WWOX: variants seen among roughly 807,000 people sequenced by gnomAD.
WWOX encodes WW domain containing oxidoreductase.
WWOX carries 69 observed loss-of-function variants against 46.2 expected under a neutral mutation model. The observed-to-expected ratio is 1.49, with a 90% confidence interval of 1.23 to 1.82. The LOEUF is 1.82. Among genes scored for constraint, WWOX ranks in the 40% most tolerant of loss-of-function variants. WWOX has a pLI of 0.00. For synonymous variants in WWOX, 359 were observed against 202.6 expected, an observed-to-expected ratio of 1.77 and a Z score of -6.56; for missense variants, 919 against 542.6, an observed-to-expected ratio of 1.69 and a Z score of -6.89.
chr16:78,601,963 C>T (rs1243795424), intron 8 of WWOX, among the ~76,000 whole-genome samples: 4 of 152,124 alleles, frequency 2.6e-5, no homozygotes, highest in African/African-American at 7.2e-5. Context: ...GGTAATAGTG[C>T]AGTGTCTGTC....
intron 8 of WWOX, among the ~76,000 whole-genome samples, chr16:78,435,545 T>G (rs1436513307): frequency 6.6e-6 from 1 of 152,118 alleles, no homozygotes; most frequent in Non-Finnish European, 1.5e-5. Context: ...ATGAGAGGGT[T>G]TGGAGAAAAG....
chr16:78,802,929 AAAAAAAAAAAAAAC>A lies in WWOX; in HGVS notation c.1056+370180_1056+370193del, dbSNP rs1212284274. On this transcript the variant is annotated intron_variant, in intron 8 of 8. Transcript: ENST00000566780. ...AGACTTCATCTGAAAAAAAAAAAAA[AAAAAAAAAAAAAAC>A]AACAAACAGAAAAATGAACGAGTGA... Among the ~76,000 whole-genome samples the A allele has an allele frequency of 2.7e-5, 3 of 111,446 alleles. 1 individual carries two copies. Among genetic ancestry groups the A allele is most frequent in the African/African-American group, 1.1e-4 (3 of 28,124 alleles). The allele number at this position is 111,446 out of a possible 152,430, so 73.1% of individuals were successfully genotyped here.
At chr16:78,576,823 C>G (rs892509700) in intron 8 of WWOX, among the ~76,000 whole-genome samples, 3 of 152,200 alleles carry the variant, frequency 2.0e-5, no homozygotes, top group Non-Finnish European at 4.4e-5. Context: ...ACAACAAGAC[C>G]CTGTCCCTTA....
chr16:78,295,577 G>C (rs1251801514), intron 5 of WWOX, among the ~76,000 whole-genome samples: 1 of 152,158 alleles, frequency 6.6e-6, no homozygotes, highest in African/African-American at 2.4e-5. Context: ...CGGACATGAT[G>C]GCAAGTGCCT....
At chr16:78,931,088 A>G (rs2045614735) in intron 8 of WWOX, among the ~76,000 whole-genome samples, 1 of 152,214 alleles carries the variant, frequency 6.6e-6, no homozygotes, top group South Asian at 2.1e-4. Context: ...GCATATGGTA[A>G]ATAAGAATTT....
chr16:78,634,855 T>A (rs1451454751), intron 8 of WWOX, among the ~76,000 whole-genome samples: 45 of 151,002 alleles, frequency 3.0e-4, no homozygotes, highest in East Asian at 9.8e-4. Context: ...TGTGTGTGTG[T>A]GTGTGTGTGT....
At chr16:78,710,879 A>C (rs1256020186) in intron 8 of WWOX, among the ~76,000 whole-genome samples, 1 of 152,048 alleles carries the variant, frequency 6.6e-6, no homozygotes, top group African/African-American at 2.4e-5. Context: ...GGCCTCCCAA[A>C]GTGCTGGGAT....
At position 78,675,962 on chromosome 16, in the gene WWOX, C is replaced by T. The variant is rs148484115; in HGVS notation, c.1056+243210C>T. 3.6e-3 allele frequency among the ~76,000 whole-genome samples: 546 copies of T among 152,076 alleles called. 3 individuals are homozygous for T. Among genetic ancestry groups the T allele is most frequent in the African/African-American group, 0.013 (526 of 41,488 alleles). ...AAATCCTTCTCTGTCCCACCACAAA[C>T]CATTTAAATCAATCCAAGATTTTAG... is the stretch of plus-strand genomic sequence containing the variant. On this transcript the variant is annotated intron_variant, in intron 8 of 8. Coordinates refer to ENST00000566780, the MANE Select transcript of WWOX (RefSeq NM_016373.4).
chr16:79,034,360 A>G (rs940971567), intron 8 of WWOX, among the ~76,000 whole-genome samples: 12 of 152,230 alleles, frequency 7.9e-5, no homozygotes, highest in Non-Finnish European at 1.5e-5. Context: ...ATAGGATTAC[A>G]TAAATAATGA....
chr16:78,453,512 G>T (rs1042653622), intron 8 of WWOX, among the ~76,000 whole-genome samples: 5 of 152,134 alleles, frequency 3.3e-5, no homozygotes, highest in Admixed American at 1.3e-4. Flanking sequence ...ATGGACGCTT[G>T]TAGACAGTAA....
At chr16:78,355,917 C>A in intron 5 of WWOX, 2 of 332,388 alleles carry the variant, frequency 6.0e-6, no homozygotes, top group Non-Finnish European at 1.2e-5. Flanking sequence ...AAAGAGAAAC[C>A]CGCATACATT....
chr16:78,680,417 C>T (rs1265320374), intron 8 of WWOX, among the ~76,000 whole-genome samples: 5 of 152,142 alleles, frequency 3.3e-5, no homozygotes, highest in African/African-American at 4.8e-5. Context: ...GCCTGTAGTC[C>T]TAGCTACTCG....
At chr16:78,413,980 A>G (rs1350616418) in intron 6 of WWOX, among the ~76,000 whole-genome samples, 1 of 151,812 alleles carries the variant, frequency 6.6e-6, no homozygotes, top group East Asian at 2.0e-4. Flanking sequence ...CTGAAGAACT[A>G]CAAAAGAAGT....
intron 8 of WWOX, among the ~76,000 whole-genome samples, chr16:79,179,747 G>A (rs2050872654): frequency 1.3e-5 from 2 of 152,210 alleles, no homozygotes; most frequent in African/African-American, 2.4e-5. Context: ...GTTTGAATGG[G>A]AAAGGACTGA....
At chr16:78,539,661 C>G (rs115620741) in intron 8 of WWOX, among the ~76,000 whole-genome samples, 1 of 152,172 alleles carries the variant, frequency 6.6e-6, no homozygotes, top group African/African-American at 2.4e-5. Context: ...ATTGTACTTG[C>G]AGTGGCTGCC....
chr16:78,599,052 G>C (rs1371606118), intron 8 of WWOX, among the ~76,000 whole-genome samples: 1 of 152,116 alleles, frequency 6.6e-6, no homozygotes, highest in African/African-American at 2.4e-5. Flanking sequence ...TGGACTTTGG[G>C]GCTCACAGTT....
At chr16:79,141,570 T>G (rs1330538204) in intron 8 of WWOX, among the ~76,000 whole-genome samples, 1 of 152,254 alleles carries the variant, frequency 6.6e-6, no homozygotes, top group Non-Finnish European at 1.5e-5. Flanking sequence ...TTTGGCTTTG[T>G]AGAAGGTCGA....
At chr16:78,277,680 T>C (rs1436145174) in intron 5 of WWOX, among the ~76,000 whole-genome samples, 1 of 152,046 alleles carries the variant, frequency 6.6e-6, no homozygotes, top group Admixed American at 6.6e-5. Flanking sequence ...CGTGTAGGGT[T>C]TGCATGATTT....
chr16:78,360,046 C>A (rs1230797414), intron 5 of WWOX, among the ~76,000 whole-genome samples: 3 of 151,996 alleles, frequency 2.0e-5, no homozygotes, highest in Admixed American at 2.0e-4. Flanking sequence ...AAAAACAAAA[C>A]AAAAAGGAGG....
Sources: gnomAD v4.1 joint callset for allele counts (sites outside exome capture counted in the v4.1 genomes callset) on GRCh38, gnomAD v4.1.1 for gene constraint, MANE v1.5 for transcripts, NCBI Gene and HGNC (gene_info 2026-07-23, HGNC 2026-07-21) for gene names.